The following ZNF804B variants were observed in gnomAD, a reference collection of about 807,000 sequenced individuals.
ZNF804B encodes the protein zinc finger 804B.
ZNF804B carries 80 observed loss-of-function variants against 101.4 expected under a neutral mutation model. The ratio of observed to expected loss-of-function variants is 0.79; its 90% CI spans 0.66 to 0.95. The LOEUF (loss-of-function observed/expected upper bound fraction) is 0.95, where lower values mean the gene tolerates loss of function less well. ZNF804B is among the 40% of genes least tolerant of loss of function. ZNF804B has a pLI of 0.00. For missense variants in ZNF804B, 1,673 were observed against 1,561.9 expected, an observed-to-expected ratio of 1.07 and a Z score of -1.20; for synonymous variants, 622 against 558.8, an observed-to-expected ratio of 1.11 and a Z score of -1.59.
chr7:89,268,266 A>G (rs1789829256), intron 2 of ZNF804B, among the ~76,000 whole-genome samples: 1 of 152,160 alleles, frequency 6.6e-6, no homozygotes, highest in Non-Finnish European at 1.5e-5. Flanking sequence ...AATTTTTAAT[A>G]ATCACTTCCA....
chr7:88,847,874 T>C (rs192378588), intron 1 of ZNF804B, among the ~76,000 whole-genome samples: 11 of 152,308 alleles, frequency 7.2e-5, no homozygotes, highest in African/African-American at 2.4e-4. Context: ...TTTTCTAATA[T>C]GGATACAAGT....
intron 1 of ZNF804B, among the ~76,000 whole-genome samples, chr7:89,054,956 G>C (rs1037033592): frequency 6.6e-6 from 1 of 151,984 alleles, no homozygotes; most frequent in African/African-American, 2.4e-5. Context: ...CTACCATGTA[G>C]TCATTACCTT....
At chr7:89,024,221 T>A (rs10952943) in intron 1 of ZNF804B, among the ~76,000 whole-genome samples, 124,388 of 152,180 alleles carry the variant, frequency 0.82, 51,335 homozygotes, top group African/African-American at 0.94. Flanking sequence ...CTTCTGATAG[T>A]GTCCACTCTG....
At chr7:89,205,218 T>C (rs2191763) in intron 1 of ZNF804B, among the ~76,000 whole-genome samples, 89,498 of 151,948 alleles carry the variant, frequency 0.59, 26,874 homozygotes, top group African/African-American at 0.63. Context: ...ATGGGGATTA[T>C]TATAATTCAA....
chr7:88,961,422 G>T (rs991515023), intron 1 of ZNF804B, among the ~76,000 whole-genome samples: 12 of 151,330 alleles, frequency 7.9e-5, no homozygotes, highest in African/African-American at 2.9e-4. Flanking sequence ...GCTAAATGAA[G>T]ATTGATTGCT....
At chr7:88,789,781 C>G (rs1009045971) in intron 1 of ZNF804B, among the ~76,000 whole-genome samples, 2 of 152,186 alleles carry the variant, frequency 1.3e-5, no homozygotes, top group Non-Finnish European at 2.9e-5. Context: ...CATTCTACTG[C>G]TAACGATAGG....
intron 1 of ZNF804B, among the ~76,000 whole-genome samples, chr7:88,918,066 TAAAAG>T (rs1306644525): frequency 1.3e-5 from 2 of 152,118 alleles, no homozygotes; most frequent in African/African-American, 2.4e-5. Context: ...ACTTGAGTAA[TAAAAG>T]AGAATAATCT....
intron 1 of ZNF804B, among the ~76,000 whole-genome samples, chr7:89,053,679 A>T (rs1789243618): frequency 6.7e-6 from 1 of 148,754 alleles, no homozygotes; most frequent in Non-Finnish European, 1.5e-5. Context: ...TCCTTCCTTC[A>T]TTTTTTCCTT....
intron 1 of ZNF804B, among the ~76,000 whole-genome samples, chr7:89,114,056 T>C (rs1419525499): frequency 2.6e-5 from 4 of 152,088 alleles, no homozygotes; most frequent in African/African-American, 9.7e-5. Context: ...ACAGAAGTGG[T>C]TGAAGAATGA....
intron 1 of ZNF804B, among the ~76,000 whole-genome samples, chr7:89,120,100 T>C (rs1790377443): frequency 6.6e-6 from 1 of 152,118 alleles, no homozygotes; most frequent in Admixed American, 6.5e-5. Flanking sequence ...GGGGCACCTT[T>C]ATCACCTTTA....
chr7:89,226,453 T>C (rs1464316590), intron 2 of ZNF804B, among the ~76,000 whole-genome samples: 3 of 152,048 alleles, frequency 2.0e-5, no homozygotes, highest in Middle Eastern at 3.2e-3. Flanking sequence ...TGATGTAAAA[T>C]GTAATTCTTA....
intron 2 of ZNF804B, among the ~76,000 whole-genome samples, chr7:89,318,829 A>G (rs1396294785): frequency 6.6e-6 from 1 of 151,596 alleles, no homozygotes; most frequent in Admixed American, 6.6e-5. Context: ...CACGCACAGA[A>G]ATATAGAGGT....
At chr7:89,199,967 AATAC>A (rs1788607456) in intron 1 of ZNF804B, among the ~76,000 whole-genome samples, 1 of 148,854 alleles carries the variant, frequency 6.7e-6, no homozygotes. Context: ...TATAGATATA[AATAC>A]ATCTATAATA....
intron 2 of ZNF804B, among the ~76,000 whole-genome samples, chr7:89,276,868 C>A (rs73399185): frequency 0.027 from 4,060 of 151,748 alleles, 245 homozygotes; most frequent in African/African-American, 0.093. Flanking sequence ...ATCTACTAAA[C>A]AATGTAGACA....
intron 1 of ZNF804B, among the ~76,000 whole-genome samples, chr7:89,046,704 A>G (rs1351001830): frequency 6.6e-6 from 1 of 152,004 alleles, no homozygotes; most frequent in African/African-American, 2.4e-5. Flanking sequence ...TTTTTTTCCA[A>G]TTCAAAAAAA....
intron 1 of ZNF804B, among the ~76,000 whole-genome samples, chr7:89,173,199 T>G (rs900233774): frequency 2.6e-5 from 4 of 152,126 alleles, no homozygotes; most frequent in African/African-American, 9.6e-5. Flanking sequence ...TAAAGTTAGA[T>G]TCAACATTAT....
At chr7:88,847,197 G>A (rs909380468) in intron 1 of ZNF804B, among the ~76,000 whole-genome samples, 5 of 151,816 alleles carry the variant, frequency 3.3e-5, no homozygotes, top group Non-Finnish European at 7.4e-5. Flanking sequence ...AAGTGAAAAA[G>A]CAAAGCACAG....
At chr7:89,004,903 T>C (rs1379533375) in intron 1 of ZNF804B, among the ~76,000 whole-genome samples, 1 of 152,018 alleles carries the variant, frequency 6.6e-6, no homozygotes, top group African/African-American at 2.4e-5. Flanking sequence ...TGTGTAATCA[T>C]TAATTCTTGG....
chr7:89,035,650 A>C (rs1431720490), intron 1 of ZNF804B, among the ~76,000 whole-genome samples: 1 of 151,844 alleles, frequency 6.6e-6, no homozygotes, highest in Non-Finnish European at 1.5e-5. Flanking sequence ...ATCAATTAAC[A>C]ATCAATTAGA....
Sources: gnomAD v4.1 joint callset for allele counts (sites outside exome capture counted in the v4.1 genomes callset) on GRCh38, gnomAD v4.1.1 for gene constraint, MANE v1.5 for transcripts, NCBI Gene and HGNC (gene_info 2026-07-23, HGNC 2026-07-21) for gene names.